DLC1: variants seen among roughly 807,000 people sequenced by gnomAD.
The protein encoded by DLC1 is DLC1 Rho GTPase activating protein, also known as rho GTPase-activating protein 7.
In DLC1, 54 loss-of-function variants were observed where a neutral mutation model predicts 140.3. The observed-to-expected ratio is 0.38, with a 90% CI of 0.31 to 0.48. The LOEUF (loss-of-function observed/expected upper bound fraction) is 0.48, where lower values mean the gene tolerates loss of function less well. Among genes scored for constraint, DLC1 ranks in the 20% least tolerant of loss-of-function variants. The pLI is 0.96. For missense variants in DLC1, 2,536 were observed against 1,907.0 expected (o/e 1.33, Z -6.14); for synonymous variants, 986 against 728.1 (o/e 1.35, Z -5.70).
chr8:13,380,686 A>C (rs1392338381), intron 4 of DLC1, among the ~76,000 whole-genome samples: 1 of 152,216 alleles, frequency 6.6e-6, no homozygotes, highest in Non-Finnish European at 1.5e-5. Context: ...ATTCATAATC[A>C]CAGCTCAGGA....
intron 16 of DLC1, among the ~76,000 whole-genome samples, chr8:13,087,416 A>T (rs1271134672): frequency 6.6e-6 from 1 of 152,152 alleles, no homozygotes; most frequent in African/African-American, 2.4e-5. Flanking sequence ...CAATCAAACA[A>T]CCAACCAACT....
intron 1 of DLC1, among the ~76,000 whole-genome samples, chr8:13,543,085 A>G (rs956045402): frequency 2.0e-5 from 3 of 152,172 alleles, no homozygotes; most frequent in African/African-American, 7.2e-5. Context: ...TAAATTAACT[A>G]TGAAAAGGGT....
rs180807445 is a variant in DLC1, at chr8:13,084,105, T to C, written c.*1706A>G. The stretch of plus-strand genomic sequence containing the variant: ...CCCAAAAGAATATCTGAGGTATAAA[T>C]ACAAGTATATCTTAAATAATAATCT... On this transcript the variant is annotated 3_prime_UTR_variant, in exon 18 of 18. Coordinates refer to ENST00000276297, the MANE Select transcript of DLC1 (RefSeq NM_182643.3). The C allele has an allele frequency of 8.3e-4, 127 of 152,680 alleles. No homozygotes were observed. Among genetic ancestry groups the C allele is most frequent in the African/African-American group, 2.8e-3 (118 of 41,566 alleles). 9.5% of individuals were successfully genotyped at this position (152,680 alleles called of 1,614,324 possible).
chr8:13,214,353 T>G (rs1276330854), intron 5 of DLC1: 4 of 330,570 alleles, frequency 1.2e-5, no homozygotes, highest in Non-Finnish European at 2.2e-5. Flanking sequence ...TAGGAAAGTT[T>G]CCCTTTTAGC....
At chr8:13,113,735 A>G (rs1820307673) in intron 6 of DLC1, among the ~76,000 whole-genome samples, 1 of 152,228 alleles carries the variant, frequency 6.6e-6, no homozygotes, top group Non-Finnish European at 1.5e-5. Flanking sequence ...AAATGTTAAC[A>G]GGTTAAAACT....
intron 5 of DLC1, among the ~76,000 whole-genome samples, chr8:13,268,876 T>C (rs1386683565): frequency 6.9e-6 from 1 of 145,354 alleles, no homozygotes; most frequent in Non-Finnish European, 1.5e-5. Flanking sequence ...TCCTTCCTTT[T>C]TTTTTTTTTT....
chr8:13,114,067 A>C lies in DLC1; in HGVS notation c.1420+1519T>G, dbSNP rs1820333966. On this transcript the variant is annotated intron_variant, in intron 6 of 17. Transcript: ENST00000276297. ...TAGAGTATAATGAAACTCCCATTTA[A>C]ATGAACTGCCTAGGCCAGGCGTGGT... Among the ~76,000 whole-genome samples the C allele has an allele frequency of 2.0e-5, 3 of 152,342 alleles. No homozygotes were observed. The South Asian group carries it at 6.2e-4, about 32-fold the overall frequency.
At chr8:13,496,210 T>C (rs1414003940) in intron 2 of DLC1, among the ~76,000 whole-genome samples, 1 of 152,208 alleles carries the variant, frequency 6.6e-6, no homozygotes, top group Non-Finnish European at 1.5e-5. Context: ...GTATTAGACA[T>C]CAACTAGATT....
chr8:13,587,854 T>TATG (rs149132843), intron 1 of DLC1, among the ~76,000 whole-genome samples: 1 of 151,724 alleles, frequency 6.6e-6, no homozygotes, highest in Non-Finnish European at 1.5e-5. Context: ...TCCTGTATCA[T>TATG]ATCATGCCCC....
chr8:13,239,780 G>C (rs1829463208), intron 5 of DLC1, among the ~76,000 whole-genome samples: 1 of 152,146 alleles, frequency 6.6e-6, no homozygotes, highest in African/African-American at 2.4e-5. Flanking sequence ...TCCAGAAGAA[G>C]ACTGTCAAAA....
intron 5 of DLC1, among the ~76,000 whole-genome samples, chr8:13,200,146 G>A (rs984878660): frequency 1.3e-5 from 2 of 152,018 alleles, no homozygotes; most frequent in African/African-American, 4.8e-5. Context: ...GGGTTCAAGC[G>A]ATTCTCCTGC....
At chr8:13,407,047 T>A (rs1436943834) in intron 2 of DLC1, among the ~76,000 whole-genome samples, 6 of 152,220 alleles carry the variant, frequency 3.9e-5, no homozygotes, top group African/African-American at 1.2e-4. Flanking sequence ...GGAAGAAATT[T>A]CCACTTGTGT....
At chr8:13,228,402 C>T (rs1462701483) in intron 5 of DLC1, among the ~76,000 whole-genome samples, 3 of 151,312 alleles carry the variant, frequency 2.0e-5, no homozygotes, top group East Asian at 1.9e-4. Flanking sequence ...ATATGGAATA[C>T]ATAATAAACT....
intron 1 of DLC1, among the ~76,000 whole-genome samples, chr8:13,587,053 C>T (rs558753580): frequency 2.7e-5 from 4 of 148,166 alleles, no homozygotes; most frequent in Non-Finnish European, 3.0e-5. Flanking sequence ...ACCTATAAAA[C>T]AAGCTCCACT....
At chr8:13,411,168 T>C (rs1479426075) in intron 2 of DLC1, among the ~76,000 whole-genome samples, 2 of 152,170 alleles carry the variant, frequency 1.3e-5, no homozygotes, top group Non-Finnish European at 2.9e-5. Flanking sequence ...CTAACCAAGA[T>C]ACCCTTCAGT....
At chr8:13,110,534 T>C (rs539917887) in intron 7 of DLC1, among the ~76,000 whole-genome samples, 1 of 152,286 alleles carries the variant, frequency 6.6e-6, no homozygotes, top group South Asian at 2.1e-4. Flanking sequence ...GAGTACTTCC[T>C]AGGACAGCGT....
At chr8:13,561,892 A>G (rs1006142444) in intron 1 of DLC1, among the ~76,000 whole-genome samples, 3 of 152,240 alleles carry the variant, frequency 2.0e-5, no homozygotes, top group African/African-American at 7.2e-5. Flanking sequence ...GATATCAAAG[A>G]CAAAGCAATT....
intron 5 of DLC1, among the ~76,000 whole-genome samples, chr8:13,177,626 C>T (rs111384320): frequency 5.9e-5 from 9 of 152,188 alleles, no homozygotes; most frequent in South Asian, 2.1e-4. Context: ...ACATAACATA[C>T]AGCAATACTG....
intron 5 of DLC1, among the ~76,000 whole-genome samples, chr8:13,146,051 G>A (rs1034732796): frequency 5.3e-5 from 8 of 152,080 alleles, no homozygotes; most frequent in African/African-American, 1.9e-4. Context: ...GGCTGAGGCG[G>A]GTGGATCACA....
Sources: allele counts gnomAD v4.1 joint callset (sites outside exome capture counted in the v4.1 genomes callset), GRCh38; gene constraint gnomAD v4.1.1; transcripts MANE v1.5; gene names NCBI Gene and HGNC (gene_info 2026-07-23, HGNC 2026-07-21).